The following SYNPR variants were observed in gnomAD, a reference collection of about 807,000 sequenced individuals.
SYNPR encodes synaptoporin.
SYNPR carries 23 observed loss-of-function variants against 32.9 expected under a neutral mutation model. That is an observed-to-expected ratio of 0.70 (90% confidence interval 0.50 to 0.99). The LOEUF (loss-of-function observed/expected upper bound fraction) is 0.99. Among genes scored for constraint, SYNPR ranks in the 50% least tolerant of loss-of-function variants. The probability of loss-of-function intolerance (pLI) is 0.00; values close to 1 mark genes in which losing one functional copy is unlikely to be tolerated. For synonymous variants in SYNPR, 146 were observed against 135.9 expected (o/e 1.07, Z -0.52); for missense variants, 318 against 349.3 (o/e 0.91, Z 0.71).
chr3:63,366,152 G>A (rs1045071144), intron 2 of SYNPR, among the ~76,000 whole-genome samples: 3 of 151,996 alleles, frequency 2.0e-5, no homozygotes, highest in African/African-American at 7.2e-5. Context: ...CTTTAATTCT[G>A]GTACTCATTA....
chr3:63,397,436 C>T (rs960915915), intron 2 of SYNPR, among the ~76,000 whole-genome samples: 5 of 152,194 alleles, frequency 3.3e-5, no homozygotes. Flanking sequence ...GTTTTACCTA[C>T]TTTGCCTCCC....
intron 3 of SYNPR, among the ~76,000 whole-genome samples, chr3:63,543,040 T>C (rs978833683): frequency 1.3e-5 from 2 of 152,164 alleles, no homozygotes; most frequent in Admixed American, 1.3e-4. Flanking sequence ...ATATTTATCA[T>C]ATTAGAAATC....
chr3:63,406,068 A>G (rs749287279), intron 2 of SYNPR, among the ~76,000 whole-genome samples: 37 of 152,252 alleles, frequency 2.4e-4, no homozygotes, highest in Non-Finnish European at 2.2e-4. Flanking sequence ...TCACACTACC[A>G]GAAGGTGGCA....
intron 3 of SYNPR, among the ~76,000 whole-genome samples, chr3:63,538,684 C>T (rs530568439): frequency 1.8e-4 from 28 of 152,084 alleles, no homozygotes; most frequent in Non-Finnish European, 2.4e-4. Flanking sequence ...GCTTCCTCCA[C>T]GTGGAGGGAT....
At chr3:63,600,638 A>T (rs931091667) in intron 4 of SYNPR, among the ~76,000 whole-genome samples, 2 of 152,180 alleles carry the variant, frequency 1.3e-5, no homozygotes, top group Non-Finnish European at 2.9e-5. Context: ...TGCTGTTCTC[A>T]TGTTAATGAG....
intron 2 of SYNPR, among the ~76,000 whole-genome samples, chr3:63,361,335 C>A (rs2087657126): frequency 1.3e-5 from 2 of 151,910 alleles, no homozygotes; most frequent in African/African-American, 2.4e-5. Context: ...CGCCTGTAAT[C>A]CCAGCACTTT....
chr3:63,398,986 A>G (rs746894166), intron 2 of SYNPR, among the ~76,000 whole-genome samples: 2 of 152,224 alleles, frequency 1.3e-5, no homozygotes, highest in Non-Finnish European at 2.9e-5. Context: ...CTGAAAAAGT[A>G]TCTGATGCTC....
intron 3 of SYNPR, among the ~76,000 whole-genome samples, chr3:63,498,843 G>A (rs1701423546): frequency 1.3e-5 from 2 of 151,676 alleles, no homozygotes; most frequent in African/African-American, 4.8e-5. Context: ...GCCAGCCATG[G>A]TGGCTCACAC....
chr3:63,551,734 C>T (rs1011971523), intron 3 of SYNPR, among the ~76,000 whole-genome samples: 6 of 152,146 alleles, frequency 3.9e-5, no homozygotes, highest in Admixed American at 6.5e-5. Flanking sequence ...GGGAATCTTA[C>T]CTTGGCTACC....
chr3:63,265,156 A>G (rs2106904018), intron 2 of SYNPR, among the ~76,000 whole-genome samples: 1 of 151,866 alleles, frequency 6.6e-6, no homozygotes, highest in Admixed American at 6.6e-5. Flanking sequence ...GAAAGAAGAT[A>G]TATGAGTCTT....
At chr3:63,412,148 G>A (rs2088474735) in intron 2 of SYNPR, among the ~76,000 whole-genome samples, 2 of 152,062 alleles carry the variant, frequency 1.3e-5, no homozygotes, top group Non-Finnish European at 2.9e-5. Context: ...TTTCTGATGG[G>A]CAACTGATAC....
intron 2 of SYNPR, among the ~76,000 whole-genome samples, chr3:63,414,298 C>G (rs2088510910): frequency 6.6e-6 from 1 of 152,004 alleles, no homozygotes; most frequent in Admixed American, 6.6e-5. Context: ...CATTAAATAT[C>G]TTTTGAAAAA....
rs554936063 is a variant in SYNPR, at chr3:63,361,621, G to T, written c.84+82879G>T. Among the ~76,000 whole-genome samples, 5 of 151,446 alleles carry T rather than the reference G, an allele frequency of 3.3e-5. No individual in the cohort carries two copies. The South Asian group carries it at 6.3e-4, about 19-fold the overall frequency. ...TCCAAAAAAAAAAAAAAAAAAGGAG[G>T]GGGGGATATAAAGCCAACACAACAG... On this transcript the variant is annotated intron_variant, in intron 2 of 5. Transcript: ENST00000478300.
intron 2 of SYNPR, chr3:63,451,941 C>T: frequency 1.7e-6 from 1 of 584,148 alleles, no homozygotes; most frequent in South Asian, 2.2e-5. Context: ...CAGCTCACCT[C>T]TTCACTCTGA....
chr3:63,538,569 T>C (rs1702247823), intron 3 of SYNPR, among the ~76,000 whole-genome samples: 2 of 152,096 alleles, frequency 1.3e-5, no homozygotes, highest in Admixed American at 6.6e-5. Flanking sequence ...TTTTGATTAA[T>C]AGAAAGTGGG....
intron 3 of SYNPR, among the ~76,000 whole-genome samples, chr3:63,546,022 GT>G (rs553514738): frequency 3.5e-4 from 53 of 152,196 alleles, no homozygotes; most frequent in South Asian, 2.1e-3. Flanking sequence ...CTCTAGGACT[GT>G]TTTTGTTTCA....
Position 63,443,152 on chromosome 3 carries a change from C to T in SYNPR, c.85-37680C>T, listed in dbSNP as rs563717094. 555 of 1,165,876 alleles carry T rather than the reference C, an allele frequency of 4.8e-4. 5 individuals carry two copies. In the South Asian group the frequency reaches 0.013, roughly 28 times the overall value. The allele number at this position is 1,165,876 out of a possible 1,614,324, so 72.2% of individuals were successfully genotyped here. A position where few individuals can be genotyped will look rare whatever the true frequency, so the allele number is the denominator to read the frequency against. Reference sequence around the variant, plus strand: ...CACCATGGTGGCAGCCACCTCCCCACCAAGCAGGCAGCGTTCACCAGAGGG... The same window carrying T: ...CACCATGGTGGCAGCCACCTCCCCATCAAGCAGGCAGCGTTCACCAGAGGG... On this transcript the variant is annotated intron_variant, in intron 2 of 5. Transcript: ENST00000478300.
intron 2 of SYNPR, among the ~76,000 whole-genome samples, chr3:63,260,257 C>T (rs191332949): frequency 2.2e-4 from 33 of 152,210 alleles, no homozygotes; most frequent in South Asian, 4.1e-4. Context: ...GAGCCCGCAT[C>T]GCCAAGTCAA....
chr3:63,274,431 T>G (rs1379914150), upstream of SYNPR, among the ~76,000 whole-genome samples: 3 of 152,212 alleles, frequency 2.0e-5, no homozygotes, highest in South Asian at 4.1e-4. Context: ...AAGATTTAAT[T>G]TGCCTGAATA....
Sources: gnomAD v4.1 joint callset for allele counts (sites outside exome capture counted in the v4.1 genomes callset) on GRCh38, gnomAD v4.1.1 for gene constraint, MANE v1.5 for transcripts, NCBI Gene and HGNC (gene_info 2026-07-23, HGNC 2026-07-21) for gene names.